Variants in EIF4G3 observed in about 807,000 individuals in gnomAD.
EIF4G3 encodes the protein eIF-4-gamma 3.
In EIF4G3, 34 loss-of-function variants were observed where a neutral mutation model predicts 186.4. That is an observed-to-expected ratio of 0.18 (90% CI 0.14 to 0.24). The LOEUF is 0.24. Ranked by LOEUF, EIF4G3 falls within the 10% of genes least tolerant of loss-of-function variation. EIF4G3 has a pLI of 1.00. For missense variants in EIF4G3, 1,536 were observed against 1,948.5 expected (o/e 0.79, Z 3.99); for synonymous variants, 673 against 679.5 (o/e 0.99, Z 0.15).
chr1:21,017,363 T>C (rs993418710), intron 4 of EIF4G3, among the ~76,000 whole-genome samples: 2 of 151,988 alleles, frequency 1.3e-5, no homozygotes, highest in African/African-American at 4.8e-5. Context: ...GCGCAGTGGC[T>C]CACGCCTGTA....
chr1:21,110,637 G>A (rs982576815), intron 2 of EIF4G3, among the ~76,000 whole-genome samples: 1 of 151,842 alleles, frequency 6.6e-6, no homozygotes, highest in Non-Finnish European at 1.5e-5. Context: ...CACCATATTG[G>A]TCAGACTGGT....
intron 28 of EIF4G3, 37 bp from the exon 29 acceptor site, chr1:20,849,567 A>T (rs2072576134): frequency 1.1e-6 from 1 of 944,274 alleles, no homozygotes; most frequent in East Asian, 2.8e-5. Flanking sequence ...TAAAAATAAT[A>T]AAAATTACTA....
chr1:20,908,566 G>A (rs958746563), intron 14 of EIF4G3, among the ~76,000 whole-genome samples: 1 of 152,088 alleles, frequency 6.6e-6, no homozygotes, highest in South Asian at 2.1e-4. Context: ...ATTTCAAAAA[G>A]AGCGCACCTT....
At position 20,817,682 on chromosome 1, in the gene EIF4G3, T is replaced by G. The variant is rs998195467; in HGVS notation, c.4369-144A>C. 3.5e-4 allele frequency: 11 copies of G among 31,744 alleles called. No individual in the cohort carries two copies. In the East Asian group the frequency reaches 0.018, roughly 52 times the overall value. 2.0% of individuals were successfully genotyped at this position (31,744 alleles called of 1,614,324 possible). A position where few individuals can be genotyped will look rare whatever the true frequency, so the allele number is the denominator to read the frequency against. On this transcript the variant is annotated intron_variant, in intron 33 of 36. Coordinates refer to ENST00000602326, the MANE Select transcript of EIF4G3 (RefSeq NM_001391906.1). ...AGCAGAGGCTATTTTATGTTTGTAG[T>G]TTTTTTTTTTTTTTTTTTTTTGAGA...
At chr1:20,937,930 C>T (rs2095570544) in intron 14 of EIF4G3, among the ~76,000 whole-genome samples, 2 of 152,082 alleles carry the variant, frequency 1.3e-5, no homozygotes, top group East Asian at 1.9e-4. Flanking sequence ...TTTCAGAGTA[C>T]ACTGAAGATA....
At chr1:20,837,573 A>G (rs1435851558) in intron 30 of EIF4G3, among the ~76,000 whole-genome samples, 1 of 152,148 alleles carries the variant, frequency 6.6e-6, no homozygotes, top group Non-Finnish European at 1.5e-5. Flanking sequence ...TGCTTCCCCA[A>G]CTGTTCAGAA....
intron 34 of EIF4G3, among the ~76,000 whole-genome samples, chr1:20,814,067 C>G (rs1345708117): frequency 4.0e-5 from 6 of 150,692 alleles, no homozygotes; most frequent in Non-Finnish European, 8.9e-5. Context: ...CTGCCTCAGC[C>G]TCCTGAGTAG....
intron 3 of EIF4G3, among the ~76,000 whole-genome samples, chr1:21,051,704 T>A (rs1269087599): frequency 6.6e-6 from 1 of 151,916 alleles, no homozygotes; most frequent in African/African-American, 2.4e-5. Context: ...AAAAAAAAAT[T>A]TTTTTTTCAT....
At chr1:21,168,069 T>C in intron 2 of EIF4G3, 1 of 470,262 alleles carries the variant, frequency 2.1e-6, no homozygotes, top group South Asian at 1.6e-5. Flanking sequence ...AAACAAAAAG[T>C]TCACTTATAT....
chr1:21,093,561 G>A (rs1214277696), intron 2 of EIF4G3, among the ~76,000 whole-genome samples: 1 of 152,132 alleles, frequency 6.6e-6, no homozygotes, highest in Admixed American at 6.5e-5. Context: ...CAAGGATCTA[G>A]AACTACAAAT....
At chr1:21,098,452 T>C (rs559861240) in intron 2 of EIF4G3, among the ~76,000 whole-genome samples, 119 of 139,432 alleles carry the variant, frequency 8.5e-4, no homozygotes, top group African/African-American at 3.0e-3. Context: ...GGTGGGAGAA[T>C]CACCTGAGCT....
At chr1:20,943,474 T>C (rs772903859) in intron 13 of EIF4G3, among the ~76,000 whole-genome samples, 31 of 152,236 alleles carry the variant, frequency 2.0e-4, no homozygotes, top group Non-Finnish European at 4.1e-4. Flanking sequence ...TAAATTGATA[T>C]GTGATTCATC....
chr1:21,148,705 TAAA>T (rs765374275), intron 2 of EIF4G3, among the ~76,000 whole-genome samples: 2 of 108,958 alleles, frequency 1.8e-5, no homozygotes, highest in African/African-American at 3.6e-5. Flanking sequence ...CTGTCTCATT[TAAA>T]AAAAAAAAAA....
intron 19 of EIF4G3, among the ~76,000 whole-genome samples, chr1:20,885,233 A>G (rs1184982919): frequency 6.6e-6 from 1 of 152,208 alleles, no homozygotes; most frequent in Non-Finnish European, 1.5e-5. Flanking sequence ...ACTGAATCAA[A>G]AAGATATCTA....
intron 14 of EIF4G3, among the ~76,000 whole-genome samples, chr1:20,933,716 G>C (rs2095420494): frequency 6.6e-6 from 1 of 152,060 alleles, no homozygotes; most frequent in African/African-American, 2.4e-5. Context: ...TGGGAAAAAA[G>C]GGGACTCAAA....
chr1:21,030,438 G>A (rs775657327), intron 4 of EIF4G3, among the ~76,000 whole-genome samples: 2 of 152,186 alleles, frequency 1.3e-5, no homozygotes, highest in Non-Finnish European at 1.5e-5. Context: ...TGCCATCCAT[G>A]TAAGATGTGA....
intron 20 of EIF4G3, among the ~76,000 whole-genome samples, chr1:20,873,210 T>C (rs1158548038): frequency 6.6e-6 from 1 of 152,250 alleles, no homozygotes; most frequent in East Asian, 1.9e-4. Flanking sequence ...CATGCCCATG[T>C]AGTTGTACTT....
chr1:20,898,307 T>C (rs889165875), intron 16 of EIF4G3, among the ~76,000 whole-genome samples: 143 of 152,140 alleles, frequency 9.4e-4, no homozygotes, highest in African/African-American at 3.3e-3. Flanking sequence ...CTGGGCAACA[T>C]AGTGAGACCC....
At chr1:20,909,562 T>C (rs762671401) in intron 14 of EIF4G3, among the ~76,000 whole-genome samples, 29 of 152,316 alleles carry the variant, frequency 1.9e-4, no homozygotes, top group African/African-American at 4.1e-4. Flanking sequence ...TTTTGAGACA[T>C]TGTAAACATT....
Sources: gnomAD v4.1 joint callset for allele counts (sites outside exome capture counted in the v4.1 genomes callset) on GRCh38, gnomAD v4.1.1 for gene constraint, MANE v1.5 for transcripts, NCBI Gene and HGNC (gene_info 2026-07-23, HGNC 2026-07-21) for gene names.